Variants in MAP4K4 observed in about 807,000 individuals in gnomAD.
The protein encoded by MAP4K4 is HPK/GCK-like kinase HGK.
In MAP4K4, 38 loss-of-function variants were observed where a neutral mutation model predicts 189.6. The ratio of observed to expected loss-of-function variants is 0.20; its 90% confidence interval spans 0.15 to 0.26. The LOEUF is 0.26. Among genes scored for constraint, MAP4K4 ranks in the 10% least tolerant of loss-of-function variants. The pLI, the probability that MAP4K4 is intolerant of heterozygous loss-of-function variation, is 1.00. For synonymous variants in MAP4K4, 610 were observed against 624.3 expected (o/e 0.98, Z 0.34); for missense variants, 1,054 against 1,726.9 (o/e 0.61, Z 6.91).
intron 2 of MAP4K4, among the ~76,000 whole-genome samples, chr2:101,699,620 G>C (rs1215131253): frequency 6.6e-6 from 1 of 152,134 alleles, no homozygotes; most frequent in African/African-American, 2.4e-5. Flanking sequence ...GTTGGAAGCC[G>C]ACTGTAGACC....
chr2:101,734,275 G>A (rs547994534), intron 2 of MAP4K4, among the ~76,000 whole-genome samples: 4 of 152,146 alleles, frequency 2.6e-5, no homozygotes, highest in Non-Finnish European at 2.9e-5. Flanking sequence ...TTGATAAAAT[G>A]TGCACCTCCC....
chr2:101,728,492 A>T (rs2056736147), intron 2 of MAP4K4, among the ~76,000 whole-genome samples: 1 of 151,958 alleles, frequency 6.6e-6, no homozygotes, highest in Non-Finnish European at 1.5e-5. Context: ...ATGAATACCC[A>T]CCTCCTAGAT....
At chr2:101,802,242 T>C (rs1450093203) in intron 3 of MAP4K4, among the ~76,000 whole-genome samples, 1 of 152,192 alleles carries the variant, frequency 6.6e-6, no homozygotes, top group East Asian at 1.9e-4. Flanking sequence ...TGCCACCCTC[T>C]GTTGCTTAGA....
rs530613683 is a variant in MAP4K4, at chr2:101,747,426, G to A, written c.124-43294G>A. 2.7e-4 allele frequency among the ~76,000 whole-genome samples: 41 copies of A among 152,262 alleles called. 1 individual carries two copies. Among genetic ancestry groups the A allele is most frequent in the African/African-American group, 8.9e-4 (37 of 41,568 alleles). On this transcript the variant is annotated intron_variant, in intron 2 of 32. Transcript: ENST00000324219. ...AGTCACCATGCCCGGCCTTGTGTCC[G>A]TATTCTTAGTCAAGAATGGTGTATA...
At chr2:101,812,247 A>T (rs1449035438) in intron 3 of MAP4K4, among the ~76,000 whole-genome samples, 1 of 152,064 alleles carries the variant, frequency 6.6e-6, no homozygotes, top group Non-Finnish European at 1.5e-5. Context: ...GACTCAGGGG[A>T]CTCCATGCAG....
Position 101,831,863 on chromosome 2 carries a change from C to T in MAP4K4, c.639+12C>T, listed in dbSNP as rs542214343. The T allele has an allele frequency of 3.1e-6, 5 of 1,612,202 alleles. 1 individual carries two copies. Among genetic ancestry groups the T allele is most frequent in the Middle Eastern group, 3.3e-4 (2 of 6,076 alleles). On this transcript the variant is annotated intron_variant, in intron 7 of 32. Transcript: ENST00000324219. ...CCTATGATTACAGAGTAAGAGGCAC[C>T]TGCTCCGTAGGCCTTTGCAGGGCCA...
intron 12 of MAP4K4, among the ~76,000 whole-genome samples, chr2:101,845,020 A>G (rs1281000140): frequency 6.6e-6 from 1 of 152,154 alleles, no homozygotes; most frequent in Non-Finnish European, 1.5e-5. Context: ...GATGGGAATG[A>G]TGGTCTACAA....
At chr2:101,860,666 GC>G in intron 15 of MAP4K4, 158 bp from the exon 16 acceptor site, 2 of 614,248 alleles carry the variant, frequency 3.3e-6, no homozygotes, top group South Asian at 4.3e-5. Flanking sequence ...TCCTAGCACT[GC>G]TTTATGTACC....
Position 101,825,977 on chromosome 2 carries a change from G to A in MAP4K4, c.417+548G>A, listed in dbSNP as rs564620022. ...CTGCTATTTTAGCAGCTTTTAAATG[G>A]TTCTTTTGAGTAGTAAAGCCATATT... On this transcript the variant is annotated intron_variant, in intron 5 of 32. Coordinates refer to ENST00000324219, the Ensembl canonical transcript of MAP4K4. 1.1e-4 allele frequency among the ~76,000 whole-genome samples: 17 copies of A among 152,278 alleles called. No homozygotes were observed. The South Asian group carries it at 3.5e-3, about 32-fold the overall frequency.
chr2:101,881,604 A>G (rs575897078), intron 27 of MAP4K4, among the ~76,000 whole-genome samples: 4 of 152,240 alleles, frequency 2.6e-5, no homozygotes, highest in South Asian at 4.1e-4. Flanking sequence ...CTTGTTCTCT[A>G]TCTTATGAGG....
At chr2:101,834,322 T>C in intron 7 of MAP4K4, 87 bp from the exon 8 acceptor site, 1 of 1,015,678 alleles carries the variant, frequency 9.8e-7, no homozygotes, top group Non-Finnish European at 1.5e-6. Flanking sequence ...TTGGTTTATA[T>C]AGCAAAGTTG....
At chr2:101,728,633 C>T (rs1480417248) in intron 2 of MAP4K4, among the ~76,000 whole-genome samples, 2 of 152,166 alleles carry the variant, frequency 1.3e-5, no homozygotes, top group African/African-American at 4.8e-5. Flanking sequence ...GTTCTTCTGC[C>T]TCAGCCTCCC....
intron 2 of MAP4K4, among the ~76,000 whole-genome samples, chr2:101,730,846 G>A (rs62155724): frequency 0.12 from 18,023 of 151,878 alleles, 1,375 homozygotes; most frequent in South Asian, 0.19. Context: ...AGGAGATCAA[G>A]ACCATCCTGG....
intron 18 of MAP4K4, 109 bp from the exon 19 acceptor site, chr2:101,866,319 C>A: frequency 2.1e-6 from 2 of 950,214 alleles, no homozygotes; most frequent in Non-Finnish European, 3.1e-6. Context: ...TGTTTTTTGT[C>A]TCCCTACACT....
At chr2:101,818,594 G>A (rs2095855536) in intron 3 of MAP4K4, among the ~76,000 whole-genome samples, 1 of 152,150 alleles carries the variant, frequency 6.6e-6, no homozygotes, top group African/African-American at 2.4e-5. Flanking sequence ...ATTTTAAGGG[G>A]TCATTAAAAA....
At chr2:101,793,111 C>T (rs1266609319) in intron 3 of MAP4K4, among the ~76,000 whole-genome samples, 1 of 152,156 alleles carries the variant, frequency 6.6e-6, no homozygotes, top group Non-Finnish European at 1.5e-5. Flanking sequence ...CAATGTTGGA[C>T]ACATGCATGA....
chr2:101,776,309 A>C (rs1285450218), intron 2 of MAP4K4, among the ~76,000 whole-genome samples: 1 of 152,094 alleles, frequency 6.6e-6, no homozygotes, highest in Non-Finnish European at 1.5e-5. Flanking sequence ...GCTGTTCTGC[A>C]CTCAAGAATA....
chr2:101,835,790 TGTCA>T, intron 8 of MAP4K4, 106 bp from the exon 9 acceptor site: 1 of 698,438 alleles, frequency 1.4e-6, no homozygotes, highest in Non-Finnish European at 2.6e-6. Context: ...GTATGAAGCC[TGTCA>T]GTCAGACGAT....
intron 12 of MAP4K4, among the ~76,000 whole-genome samples, chr2:101,850,507 C>T (rs1405573078): frequency 6.6e-6 from 1 of 152,214 alleles, no homozygotes; most frequent in African/African-American, 2.4e-5. Context: ...ACCATTTTCT[C>T]ACTCCTCCTT....
Sources: gnomAD v4.1 joint callset for allele counts (sites outside exome capture counted in the v4.1 genomes callset) on GRCh38, gnomAD v4.1.1 for gene constraint, MANE v1.5 for transcripts, NCBI Gene and HGNC (gene_info 2026-07-23, HGNC 2026-07-21) for gene names.